SPATA22: variants seen among roughly 807,000 people sequenced by gnomAD.
SPATA22 encodes spermatogenesis-associated protein 22.
In SPATA22, 29 loss-of-function variants were observed where a neutral mutation model predicts 47.8. The ratio of observed to expected loss-of-function variants is 0.61; its 90% confidence interval spans 0.45 to 0.83. The LOEUF is 0.83. SPATA22 is among the 40% of genes least tolerant of loss of function. SPATA22 has a pLI of 0.00. For missense variants in SPATA22, 410 were observed against 421.7 expected, an observed-to-expected ratio of 0.97 and a Z score of 0.24; for synonymous variants, 133 against 140.9, an observed-to-expected ratio of 0.94 and a Z score of 0.40.
Position 3,462,571 on chromosome 17 carries a change from G to A in SPATA22, c.241C>T (p.Pro81Ser), listed in dbSNP as rs1252918194. ...CTCAGAGGACGAGAAACTGAATGTG[G>A]TATTTGCCTTTCAAGGGAATATGTC... is the stretch of plus-strand genomic sequence containing the variant. ...VMKTVDTGQI[P>S]HSVSRPLRSQ... Residue 81 changes from proline to serine, a missense_variant, in exon 5 of 9, where the codon CCA becomes TCA. Pro to Ser is a moderately conservative substitution (Grantham distance 74, BLOSUM62 -1). Transcript: ENST00000572969. 6.2e-7 allele frequency: 1 copy of A among 1,612,324 alleles called. No individual in the cohort carries two copies. Among genetic ancestry groups the A allele is most frequent in the South Asian group, 1.1e-5 (1 of 90,814 alleles).
rs1034989941 is a variant in SPATA22, at chr17:3,490,662, T to C, written c.-73-21264A>G. Among the ~76,000 whole-genome samples the C allele has an allele frequency of 9.9e-5, 15 of 152,210 alleles. No homozygotes were observed. The highest frequency in any genetic ancestry group is 3.6e-4 in the African/African-American group (15 of 41,456). ...TGAGGGCAGGTTCTATACTGTCTAA[T>C]GGAACTGGTTTTGAGAAGATCACAA... On this transcript the variant is annotated intron_variant, in intron 1 of 8. Transcript: ENST00000541913. The surrounding 1 kb of genome is among the most constrained non-coding windows in gnomAD (Gnocchi z 4.6).
intron 5 of SPATA22, among the ~76,000 whole-genome samples, chr17:3,457,067 C>G (rs1380234395): frequency 2.0e-5 from 3 of 152,114 alleles, no homozygotes. Flanking sequence ...TAAGGGCTAT[C>G]TATGACAAAC....
chr17:3,446,348 T>C lies in SPATA22; in HGVS notation c.802+124A>G. On this transcript the variant is annotated intron_variant, in intron 7 of 8. Coordinates refer to ENST00000572969, the MANE Select transcript of SPATA22 (RefSeq NM_001170698.2). ...AGGGACTATTATTAAAACCAGTTCTTTGAATACACTTTAGGGAGTAGCAAA... is the reference window on the plus strand; with the variant it reads ...AGGGACTATTATTAAAACCAGTTCTCTGAATACACTTTAGGGAGTAGCAAA... 1.1e-5 allele frequency: 10 copies of C among 889,064 alleles called. No homozygotes were observed. The South Asian group carries it at 1.8e-4, about 16-fold the overall frequency. The allele number at this position is 889,064 out of a possible 1,614,324, so 55.1% of individuals were successfully genotyped here.
rs2073766393 is a variant in SPATA22, at chr17:3,488,506, A to C, written c.-73-19108T>G. ...ACCCTGCCTCTACTAAAAATATAAAAATAAGCCAGGAATGGTGGCCCGTGC... is the reference window on the plus strand; with the variant it reads ...ACCCTGCCTCTACTAAAAATATAAACATAAGCCAGGAATGGTGGCCCGTGC... On this transcript the variant is annotated intron_variant, in intron 1 of 8. Transcript: ENST00000541913. The surrounding 1 kb of genome is among the most constrained non-coding windows in gnomAD (Gnocchi z 6.1). Among the ~76,000 whole-genome samples the C allele has an allele frequency of 6.6e-6, 1 of 152,136 alleles. No individual in the cohort carries two copies. The highest frequency in any genetic ancestry group is 2.1e-4 in the South Asian group (1 of 4,820).
chr17:3,466,355 TCAA>T (rs1456730640), intron 3 of SPATA22, among the ~76,000 whole-genome samples: 1 of 151,838 alleles, frequency 6.6e-6, no homozygotes, highest in African/African-American at 2.4e-5. Context: ...AAGTAAAAAG[TCAA>T]CAACAACCAT....
Position 3,452,882 on chromosome 17 carries a change from G to A in SPATA22, c.330-3733C>T, listed in dbSNP as rs1382626140. Among the ~76,000 whole-genome samples the A allele has an allele frequency of 2.6e-5, 4 of 152,216 alleles. No homozygotes were observed. In the South Asian group the frequency reaches 8.3e-4, roughly 32 times the overall value. Reference sequence around the variant, plus strand: ...GACCAATAATAAGGAGATTAACGAAGTAATCAAAAACCTCTCAACAAAGAA... The same window carrying A: ...GACCAATAATAAGGAGATTAACGAAATAATCAAAAACCTCTCAACAAAGAA... On this transcript the variant is annotated intron_variant, in intron 5 of 8. Transcript: ENST00000572969.
intron 1 of SPATA22, among the ~76,000 whole-genome samples, chr17:3,480,826 C>T (rs112944501): frequency 4.6e-5 from 7 of 152,316 alleles, no homozygotes; most frequent in African/African-American, 1.7e-4. Flanking sequence ...ACAAGGATAG[C>T]TTGGAGATTA....
In SPATA22 at chr17:3,462,471, A is replaced by T; in HGVS notation, c.329+12T>A. The T allele has an allele frequency of 6.4e-7, 1 of 1,559,984 alleles. No homozygotes were observed. Among genetic ancestry groups the T allele is most frequent in the Non-Finnish European group, 8.7e-7 (1 of 1,151,506 alleles). ...AGGAATAGAAGAAGAAAGAAATTTTAAGTAGACTCACCTCCAACCACCCTG... is the reference window on the plus strand; with the variant it reads ...AGGAATAGAAGAAGAAAGAAATTTTTAGTAGACTCACCTCCAACCACCCTG... On this transcript the variant is annotated intron_variant, in intron 5 of 8. Transcript: ENST00000572969.
intron 1 of SPATA22, among the ~76,000 whole-genome samples, chr17:3,478,010 G>A (rs1488751648): frequency 2.6e-5 from 4 of 151,564 alleles, no homozygotes; most frequent in South Asian, 2.1e-4. Context: ...GTAAAACCCC[G>A]TCTCTACTAA....
At chr17:3,511,986 T>A (rs1324604408) in intron 1 of SPATA22, 1 of 152,232 alleles carries the variant, frequency 6.6e-6, no homozygotes, top group Admixed American at 6.5e-5. Context: ...TAACTCCAGA[T>A]GTGGAATGCT....
chr17:3,502,039 A>G (rs2073996957), intron 1 of SPATA22: 2 of 152,326 alleles, frequency 1.3e-5, no homozygotes, highest in South Asian at 4.1e-4. Flanking sequence ...TCTTTCACGA[A>G]AGGAAGAGTC....
chr17:3,468,872 C>T, intron 2 of SPATA22: 1 of 945,294 alleles, frequency 1.1e-6, no homozygotes. Flanking sequence ...CCCTGGTTCT[C>T]ATCATCCTTG....
At position 3,449,021 on chromosome 17, in the gene SPATA22, T is replaced by G. The variant is rs147774198; in HGVS notation, c.458A>C (p.Gln153Pro). 1 of 1,613,936 alleles carries G rather than the reference T, an allele frequency of 6.2e-7. No individual in the cohort carries two copies. The highest frequency in any genetic ancestry group is 8.5e-7 in the Non-Finnish European group (1 of 1,179,984). Reference protein sequence around the residue: ...KNSCPVSSGAQQQKQLRIPEP... With the variant: ...KNSCPVSSGAPQQKQLRIPEP... ...AGGTATTCTTAATTGTTTTTGTTGTTGAGCTCCCGAACTCACTGGACAAGA... is the reference window on the plus strand; with the variant it reads ...AGGTATTCTTAATTGTTTTTGTTGTGGAGCTCCCGAACTCACTGGACAAGA... Residue 153 changes from glutamine (Q) to proline (P), a missense_variant, in exon 6 of 9, where the codon CAA becomes CCA. By Grantham distance (76) the Gln-to-Pro change is moderately conservative. Coordinates refer to ENST00000572969, the MANE Select transcript of SPATA22 (RefSeq NM_001170698.2).
chr17:3,467,462 G>T lies in SPATA22; in HGVS notation c.136C>A (p.Pro46Thr). The T allele has an allele frequency of 6.2e-7, 1 of 1,607,138 alleles. No individual in the cohort carries two copies. The stretch of plus-strand genomic sequence containing the variant: ...GGAGGAAAATCATAATTGTCAGAAG[G>T]GGTACTGATACCTGAATCATCTTTA... Reference protein sequence around the residue: ...PLKDDSGISTPSDNYDFPPLP... With the variant: ...PLKDDSGISTTSDNYDFPPLP... Residue 46 changes from proline (P) to threonine (T), a missense_variant, in exon 3 of 9, where the codon CCT becomes ACT. By Grantham distance (38) the Pro-to-Thr change is conservative (BLOSUM62 -1). Coordinates refer to ENST00000572969, the MANE Select transcript of SPATA22 (RefSeq NM_001170698.2).
chr17:3,464,456 A>G (rs1233460603), intron 3 of SPATA22, among the ~76,000 whole-genome samples: 9 of 112,490 alleles, frequency 8.0e-5, no homozygotes, highest in Admixed American at 1.9e-4. Flanking sequence ...CTGGGATGTG[A>G]GGAGCCCCTC....
At chr17:3,468,170 A>G (rs1411543256) in intron 2 of SPATA22, 2 of 152,380 alleles carry the variant, frequency 1.3e-5, no homozygotes, top group East Asian at 3.9e-4. Context: ...TTAAAGAGTA[A>G]TAATATCCAG....
chr17:3,458,855 CAAAAAAAAAAAAAAAA>C (rs545223532), intron 5 of SPATA22, among the ~76,000 whole-genome samples: 1 of 38,344 alleles, frequency 2.6e-5, no homozygotes, highest in Non-Finnish European at 4.5e-5. Flanking sequence ...CGAAACTTCA[CAAAAAAAAAAAAAAAA>C]AAAAAAAAAT....
At chr17:3,474,201 TTC>T (rs1328662045), upstream of SPATA22, 3 of 152,224 alleles carry the variant, frequency 2.0e-5, no homozygotes, top group African/African-American at 7.2e-5. Flanking sequence ...ATTGCTGCAA[TTC>T]ATTAACTCTC....
chr17:3,448,771 T>G (rs1464790482), intron 6 of SPATA22, 36 bp downstream of exon 6: 1 of 1,465,040 alleles, frequency 6.8e-7, no homozygotes, highest in Non-Finnish European at 9.3e-7. Context: ...TTTTTAAAAA[T>G]GTAAATAAGT....
Sources: gnomAD v4.1 joint callset for allele counts (sites outside exome capture counted in the v4.1 genomes callset) on GRCh38, gnomAD v4.1.1 for gene constraint, Gnocchi (gnomAD v3.1) non-coding constraint, MANE v1.5 for transcripts, NCBI Gene and HGNC (gene_info 2026-07-23, HGNC 2026-07-21) for gene names.